The following ABCC6 variants were observed in gnomAD, a reference collection of about 807,000 sequenced individuals.
ABCC6 encodes the protein ATP binding cassette subfamily C member 6, also known as ATP-binding cassette sub-family C member 6.
Under a neutral mutation model 169.5 loss-of-function variants are expected in ABCC6, and 126 were observed. The observed-to-expected ratio is 0.74, with a 90% CI of 0.64 to 0.86. ABCC6 has a LOEUF of 0.86. Among genes scored for constraint, ABCC6 ranks in the 40% least tolerant of loss-of-function variants. The pLI is 0.00. For missense variants in ABCC6, 1,733 were observed against 1,927.2 expected (o/e 0.90, Z 1.89); for synonymous variants, 752 against 814.7 (o/e 0.92, Z 1.31).
chr16:16,198,300 G>A, intron 9 of ABCC6, 118 bp from the exon 10 acceptor site: 3 of 1,153,748 alleles, frequency 2.6e-6, no homozygotes, highest in Non-Finnish European at 3.7e-6. Context: ...GGTGAGTAAA[G>A]TCTCTTAGGC....
chr16:16,182,651 G>A, intron 16 of ABCC6, 63 bp from the exon 17 acceptor site: 1 of 1,595,032 alleles, frequency 6.3e-7, no homozygotes, highest in Non-Finnish European at 8.6e-7. Context: ...TAGGTTTTGA[G>A]GAGCAGTGGG....
chr16:16,173,894 C>G (rs1435462878), intron 20 of ABCC6, among the ~76,000 whole-genome samples: 17 of 152,142 alleles, frequency 1.1e-4, no homozygotes, highest in Admixed American at 1.1e-3. Flanking sequence ...TGTATACCAT[C>G]AGATTTGTCA....
In ABCC6 at chr16:16,188,871, G is replaced by C; in HGVS notation, c.1739C>G (p.Ala580Gly). ...GATGGAGAAGGGCAGGAAAGCCTGG[G>C]CCTTGTTGAGGATGTTGAGAACTGT... The part of the protein sequence containing the change: ...TLTVLNILNK[A>G]QAFLPFSIHS... The change falls in exon 13 of 31, where the codon GCC (alanine) becomes GGC (glycine). Residue 580 changes from alanine to glycine, a missense_variant. Around this residue, in one of 5 missense-constraint regions of ABCC6, gnomAD observed 1,601 missense variants for 1,635.5 expected, o/e 0.98. Transcript: ENST00000205557. 6.2e-7 allele frequency: 1 copy of C among 1,614,160 alleles called. No individual in the cohort carries two copies.
At chr16:16,170,058 A>G (rs930474008) in intron 21 of ABCC6, among the ~76,000 whole-genome samples, 4 of 151,164 alleles carry the variant, frequency 2.6e-5, no homozygotes, top group African/African-American at 7.3e-5. Flanking sequence ...CCCATCTCCT[A>G]TACAATCCCC....
At chr16:16,189,168 T>A (rs1247600935) in intron 12 of ABCC6, among the ~76,000 whole-genome samples, 194 bp from the exon 13 acceptor site, 2 of 152,218 alleles carry the variant, frequency 1.3e-5, no homozygotes, top group South Asian at 2.1e-4. Flanking sequence ...TAAGGCTCTC[T>A]CTAAAGACAC....
At chr16:16,156,959 A>AAAAAAAAAAAAT (rs1160495758) in intron 27 of ABCC6, among the ~76,000 whole-genome samples, 1 of 150,872 alleles carries the variant, frequency 6.6e-6, no homozygotes, top group Non-Finnish European at 1.5e-5. Flanking sequence ...AAAAAAAAAA[A>AAAAAAAAAAAAT]AAAATCACAG....
chr16:16,165,598 G>A lies in ABCC6; in HGVS notation c.3306+25C>T, dbSNP rs372231631. On this transcript the variant is annotated intron_variant, in intron 23 of 30. Coordinates refer to ENST00000205557, the MANE Select transcript of ABCC6 (RefSeq NM_001171.6). ...GGCTGAGTTGACCTCAGCCGGTCCC[G>A]GAAGCCTCCCTGACCTCTCCGTACC... The A allele has an allele frequency of 4.2e-5, 67 of 1,612,442 alleles. 1 individual carries two copies. Among genetic ancestry groups the A allele is most frequent in the South Asian group, 1.9e-4 (17 of 91,076 alleles).
chr16:16,210,594 G>A (rs1214490684), intron 6 of ABCC6, among the ~76,000 whole-genome samples: 1 of 152,178 alleles, frequency 6.6e-6, no homozygotes, highest in Admixed American at 6.6e-5. Flanking sequence ...GTGATAGAGA[G>A]TTTCTTTTTA....
intron 22 of ABCC6, among the ~76,000 whole-genome samples, chr16:16,168,434 C>T (rs13336520): frequency 0.18 from 27,172 of 152,088 alleles, 2,747 homozygotes; most frequent in African/African-American, 0.28. Flanking sequence ...TGCAGTGAGC[C>T]GAGTTCGTGC....
At chr16:16,155,413 CAT>C in intron 27 of ABCC6, 1 of 177,252 alleles carries the variant, frequency 5.6e-6, no homozygotes, top group East Asian at 2.0e-4. Context: ...CCCATCCTGC[CAT>C]CCATCCATCC....
chr16:16,175,961 C>T lies in ABCC6; in HGVS notation c.2616G>A (p.Lys872=). Residue 872 remains lysine (K), a synonymous_variant, in exon 20 of 31, where the codon AAG becomes AAA. Transcript: ENST00000205557. ...EGETEPGTST[K]DPRGTSAGRR... ...TGCCTGCAGAGGTGCCTCTGGGGTC[C>T]TTGGTGCTGGTCCCAGGTTCTGTTT... The T allele has an allele frequency of 6.2e-7, 1 of 1,614,136 alleles. No homozygotes were observed. Among genetic ancestry groups the T allele is most frequent in the Non-Finnish European group, 8.5e-7 (1 of 1,180,018 alleles).
chr16:16,178,438 C>G (rs1278120800), intron 18 of ABCC6, among the ~76,000 whole-genome samples: 3 of 152,114 alleles, frequency 2.0e-5, no homozygotes, highest in Non-Finnish European at 2.9e-5. Context: ...AGCTCCCCTT[C>G]TTGTGCTCCT....
At chr16:16,196,081 A>G (rs1031369415) in intron 10 of ABCC6, among the ~76,000 whole-genome samples, 13 of 151,926 alleles carry the variant, frequency 8.6e-5, no homozygotes, top group Admixed American at 7.9e-4. Flanking sequence ...GTTGTGGTGC[A>G]CGCCTGTAAT....
intron 22 of ABCC6, among the ~76,000 whole-genome samples, chr16:16,167,615 A>G (rs1306567675): frequency 1.3e-5 from 2 of 152,008 alleles, no homozygotes; most frequent in Non-Finnish European, 2.9e-5. Flanking sequence ...GATTACAAAC[A>G]CTGACACCAT....
At chr16:16,164,270 G>A (rs541893276) in intron 23 of ABCC6, among the ~76,000 whole-genome samples, 8 of 152,208 alleles carry the variant, frequency 5.3e-5, no homozygotes, top group African/African-American at 1.9e-4. Context: ...GACCTCAAGT[G>A]ATCTGCCCAC....
chr16:16,175,330 G>T (rs2047243095), intron 20 of ABCC6, among the ~76,000 whole-genome samples: 1 of 152,170 alleles, frequency 6.6e-6, no homozygotes, highest in South Asian at 2.1e-4. Context: ...GTGGCCTGTT[G>T]TTCTGCTTCC....
At chr16:16,219,153 TG>T (rs2048986314) in intron 4 of ABCC6, among the ~76,000 whole-genome samples, 1 of 120,254 alleles carries the variant, frequency 8.3e-6, no homozygotes, top group African/African-American at 3.3e-5. Flanking sequence ...TAAATATAGG[TG>T]CATAGGAACA....
intron 10 of ABCC6, among the ~76,000 whole-genome samples, chr16:16,195,220 G>A (rs1307750047): frequency 2.6e-5 from 4 of 151,494 alleles, no homozygotes; most frequent in African/African-American, 4.9e-5. Context: ...GTGATGTTAG[G>A]AACTGTCTAC....
intron 13 of ABCC6, 65 bp from the exon 14 acceptor site, chr16:16,187,276 G>T: frequency 1.5e-6 from 2 of 1,367,098 alleles, no homozygotes; most frequent in Non-Finnish European, 2.1e-6. Context: ...TTGGGTGTCG[G>T]TGTCTCAAGA....
Sources: allele counts gnomAD v4.1 joint callset (sites outside exome capture counted in the v4.1 genomes callset), GRCh38; gene constraint gnomAD v4.1.1; regional missense constraint gnomAD v4.1.1; transcripts MANE v1.5; gene names NCBI Gene and HGNC (gene_info 2026-07-23, HGNC 2026-07-21).